Variants in ACBD6 observed in about 807,000 individuals in gnomAD.
ACBD6 encodes acyl-CoA binding domain containing 6.
Under a neutral mutation model 37.2 loss-of-function variants are expected in ACBD6, and 28 were observed. The observed-to-expected ratio is 0.75, with a 90% confidence interval of 0.56 to 1.03. The LOEUF (loss-of-function observed/expected upper bound fraction) is 1.03. Among genes scored for constraint, ACBD6 ranks in the 50% least tolerant of loss-of-function variants. The pLI, the probability that ACBD6 is intolerant of heterozygous loss-of-function variation, is 0.00. For synonymous variants in ACBD6, 113 were observed against 126.8 expected (o/e 0.89, Z 0.73); for missense variants, 340 against 337.4 (o/e 1.01, Z -0.06).
chr1:180,311,197 C>T (rs774149499), intron 7 of ACBD6, among the ~76,000 whole-genome samples: 5 of 152,284 alleles, frequency 3.3e-5, no homozygotes, highest in Non-Finnish European at 5.9e-5. Context: ...AGCCATGACA[C>T]ACGGTGTGTG....
At chr1:180,270,498 A>G (rs533928244) in exon 14 of ACBD6, 1 of 152,360 alleles carries the variant, frequency 6.6e-6, no homozygotes, top group South Asian at 2.1e-4. Flanking sequence ...GCTTCCGAAC[A>G]CACGCACGCG....
intron 3 of ACBD6, among the ~76,000 whole-genome samples, chr1:180,468,114 T>C (rs1055839261): frequency 2.0e-5 from 3 of 152,172 alleles, no homozygotes; most frequent in Admixed American, 6.5e-5. Context: ...TCTTTTCCAG[T>C]CAGGCTATGG....
At chr1:180,424,001 T>C (rs1283868363) in intron 4 of ACBD6, among the ~76,000 whole-genome samples, 2 of 152,168 alleles carry the variant, frequency 1.3e-5, no homozygotes, top group Non-Finnish European at 2.9e-5. Context: ...GAAAGTACAT[T>C]TTTTTAAAAC....
intron 6 of ACBD6, among the ~76,000 whole-genome samples, chr1:180,349,422 A>C (rs1156979364): frequency 6.6e-6 from 1 of 151,552 alleles, no homozygotes; most frequent in Non-Finnish European, 1.5e-5. Flanking sequence ...CGCCTGGCTA[A>C]TTTTTTGTAT....
At position 180,492,129 on chromosome 1, in the gene ACBD6, A is replaced by T. The variant is rs1007728077; in HGVS notation, c.384+140T>A. 1.3e-5 allele frequency: 9 copies of T among 696,028 alleles called. No individual in the cohort carries two copies. In the African/African-American group the frequency reaches 1.6e-4, roughly 13 times the overall value. 43.1% of individuals were successfully genotyped at this position (696,028 alleles called of 1,614,324 possible). ...TGGCCAGCAATTATTTTATTAGATAAATATTACAATAACTTTAAAATATTT... is the reference window on the plus strand; with the variant it reads ...TGGCCAGCAATTATTTTATTAGATATATATTACAATAACTTTAAAATATTT... On this transcript the variant is annotated intron_variant, in intron 3 of 7. Coordinates refer to ENST00000367595, the MANE Select transcript of ACBD6 (RefSeq NM_032360.4).
chr1:180,385,980 G>C (rs1156698823), intron 6 of ACBD6, among the ~76,000 whole-genome samples: 1 of 152,166 alleles, frequency 6.6e-6, no homozygotes, highest in Admixed American at 6.5e-5. Context: ...GGCCAGCCTG[G>C]CCAACATGGT....
chr1:180,318,244 CTCTG>C (rs565426557), intron 6 of ACBD6, among the ~76,000 whole-genome samples: 221 of 147,630 alleles, frequency 1.5e-3, no homozygotes, highest in African/African-American at 4.9e-3. Context: ...ATGCTCCTTG[CTCTG>C]TCTGGAAACT....
chr1:180,388,193 GAA>G, intron 6 of ACBD6, among the ~76,000 whole-genome samples: 1 of 139,924 alleles, frequency 7.1e-6, no homozygotes, highest in Middle Eastern at 3.7e-3. Context: ...AAAAAAAAAA[GAA>G]AAAGAAAACC....
intron 3 of ACBD6, among the ~76,000 whole-genome samples, chr1:180,459,328 T>C (rs538406257): frequency 2.2e-4 from 33 of 152,324 alleles, no homozygotes; most frequent in Admixed American, 1.9e-3. Flanking sequence ...CCCCTAAGTA[T>C]ATCTGACCCG....
At chr1:180,290,974 T>C (rs1009988268) in intron 7 of ACBD6, among the ~76,000 whole-genome samples, 2 of 152,234 alleles carry the variant, frequency 1.3e-5, no homozygotes, top group Non-Finnish European at 2.9e-5. Flanking sequence ...TCTGTCCCTA[T>C]AGTTTTGTCT....
At chr1:180,325,600 C>T (rs903987933) in intron 6 of ACBD6, among the ~76,000 whole-genome samples, 2 of 152,034 alleles carry the variant, frequency 1.3e-5, no homozygotes, top group Admixed American at 6.6e-5. Context: ...GGTTGTGTTT[C>T]CCTGGATGAT....
intron 3 of ACBD6, among the ~76,000 whole-genome samples, chr1:180,433,052 T>C (rs1361358434): frequency 1.3e-5 from 2 of 152,172 alleles, no homozygotes; most frequent in Non-Finnish European, 2.9e-5. Flanking sequence ...TTCTAACTCA[T>C]TTTATGAGGT....
chr1:180,402,519 C>T (rs1334144168), intron 5 of ACBD6, among the ~76,000 whole-genome samples: 1 of 152,066 alleles, frequency 6.6e-6, no homozygotes, highest in Non-Finnish European at 1.5e-5. Context: ...ATTTTGAATA[C>T]ACTACTTTAA....
chr1:180,470,905 G>A (rs1650540406), intron 3 of ACBD6, among the ~76,000 whole-genome samples: 1 of 152,100 alleles, frequency 6.6e-6, no homozygotes, highest in African/African-American at 2.4e-5. Flanking sequence ...TGTGAAGATA[G>A]GTAAAAATAA....
intron 4 of ACBD6, among the ~76,000 whole-genome samples, chr1:180,425,009 T>C (rs1648527279): frequency 6.6e-6 from 1 of 152,188 alleles, no homozygotes; most frequent in African/African-American, 2.4e-5. Flanking sequence ...TATAATTATC[T>C]CTTCGCTTTA....
rs74132907 is a variant in ACBD6, at chr1:180,481,517, C to T, written c.384+10752G>A. ...AAATCTTAATTCAAAATTCACTTTC[C>T]CTGTGTATATTTTAATTTCTTCAGC... On this transcript the variant is annotated intron_variant, in intron 3 of 7. Coordinates refer to ENST00000367595, the MANE Select transcript of ACBD6 (RefSeq NM_032360.4). Among the ~76,000 whole-genome samples, 1,012 of 152,176 alleles carry T rather than the reference C, an allele frequency of 6.7e-3. 16 individuals carry two copies. The highest frequency in any genetic ancestry group is 0.023 in the African/African-American group (966 of 41,528).
At chr1:180,356,685 A>G (rs1652641391) in intron 6 of ACBD6, among the ~76,000 whole-genome samples, 1 of 151,468 alleles carries the variant, frequency 6.6e-6, no homozygotes, top group African/African-American at 2.4e-5. Context: ...CATTTCTACA[A>G]AAAAAATACA....
intron 6 of ACBD6, among the ~76,000 whole-genome samples, chr1:180,349,076 G>A (rs915649845): frequency 1.3e-5 from 2 of 151,790 alleles, no homozygotes; most frequent in African/African-American, 2.4e-5. Context: ...GATGTTGCGA[G>A]AGCAGTATCA....
chr1:180,307,487 A>G (rs2149287436), intron 7 of ACBD6, among the ~76,000 whole-genome samples: 1 of 152,312 alleles, frequency 6.6e-6, no homozygotes, highest in South Asian at 2.1e-4. Flanking sequence ...TTAATTGTAT[A>G]CTTCAAAATA....
Sources: allele counts gnomAD v4.1 joint callset (sites outside exome capture counted in the v4.1 genomes callset), GRCh38; gene constraint gnomAD v4.1.1; transcripts MANE v1.5; gene names NCBI Gene and HGNC (gene_info 2026-07-23, HGNC 2026-07-21).